The following DCAF1 variants were observed in gnomAD, a reference collection of about 807,000 sequenced individuals.
The protein encoded by DCAF1 is DDB1 and CUL4 associated factor 1, also known as DDB1- and CUL4-associated factor 1.
A neutral mutation model predicts 128.0 loss-of-function variants in DCAF1; 15 were observed. The ratio of observed to expected loss-of-function variants is 0.12; its 90% CI spans 0.08 to 0.18. The LOEUF (loss-of-function observed/expected upper bound fraction) is 0.18, where lower values mean the gene tolerates loss of function less well. Among genes scored for constraint, DCAF1 ranks in the 10% least tolerant of loss-of-function variants. DCAF1 has a pLI of 1.00. For synonymous variants in DCAF1, 610 were observed against 603.0 expected, an observed-to-expected ratio of 1.01 and a Z score of -0.17; for missense variants, 988 against 1,649.5, an observed-to-expected ratio of 0.60 and a Z score of 6.95.
At chr3:51,502,398 A>C (rs1051275830), upstream of DCAF1, among the ~76,000 whole-genome samples, 10 of 152,046 alleles carry the variant, frequency 6.6e-5, no homozygotes, top group East Asian at 1.9e-3. Context: ...TCTACAAAAT[A>C]TCTTAAAAAT....
chr3:51,480,053 A>G (rs983450078), intron 3 of DCAF1, among the ~76,000 whole-genome samples: 1 of 151,280 alleles, frequency 6.6e-6, no homozygotes, highest in Non-Finnish European at 1.5e-5. Flanking sequence ...GCAGTGAGCT[A>G]TAATCATACC....
intron 9 of DCAF1, among the ~76,000 whole-genome samples, chr3:51,437,629 T>C (rs1224825098): frequency 6.6e-6 from 1 of 151,962 alleles, no homozygotes; most frequent in Non-Finnish European, 1.5e-5. Flanking sequence ...GCTTGGGCAT[T>C]ATAATGAAAC....
intron 6 of DCAF1, among the ~76,000 whole-genome samples, chr3:51,456,588 G>C (rs1267381892): frequency 6.6e-6 from 1 of 152,210 alleles, no homozygotes; most frequent in Non-Finnish European, 1.5e-5. Flanking sequence ...CATGCAGCTT[G>C]AGATCTGAGA....
At chr3:51,489,559 C>T (rs1024811892) in intron 2 of DCAF1, among the ~76,000 whole-genome samples, 7 of 151,644 alleles carry the variant, frequency 4.6e-5, no homozygotes, top group African/African-American at 7.3e-5. Flanking sequence ...GAGGCCAAAG[C>T]GGGTGGATCA....
At chr3:51,473,976 G>A (rs1385609076) in intron 3 of DCAF1, among the ~76,000 whole-genome samples, 1 of 149,086 alleles carries the variant, frequency 6.7e-6, no homozygotes, top group Non-Finnish European at 1.5e-5. Context: ...GCTCATTTTT[G>A]TATTTTTTTT....
chr3:51,417,853 ATGTCCT>A (rs1553630917), intron 17 of DCAF1, among the ~76,000 whole-genome samples: 15 of 152,168 alleles, frequency 9.9e-5, no homozygotes, highest in Non-Finnish European at 1.8e-4. Flanking sequence ...AAAGACTGCA[ATGTCCT>A]ATGTGAACAT....
chr3:51,416,957 T>C, intron 17 of DCAF1, 86 bp from the exon 18 acceptor site: 1 of 1,529,774 alleles, frequency 6.5e-7, no homozygotes, highest in Non-Finnish European at 8.8e-7. Context: ...ACCCCCAGCC[T>C]CTTGCACAAT....
At chr3:51,440,131 T>C (rs1553638227) in intron 9 of DCAF1, 2 of 505,664 alleles carry the variant, frequency 4.0e-6, no homozygotes, top group Admixed American at 2.1e-5. Context: ...ATTCACTTTT[T>C]ATCTCAACGT....
At chr3:51,416,949 C>T (rs1289599380) in intron 17 of DCAF1, 78 bp from the exon 18 acceptor site, 16 of 1,538,930 alleles carry the variant, frequency 1.0e-5, no homozygotes, top group Non-Finnish European at 1.4e-5. Context: ...CACAGGTGAC[C>T]CCCAGCCTCT....
chr3:51,412,901 C>T, intron 22 of DCAF1, 92 bp downstream of exon 22: 1 of 1,542,722 alleles, frequency 6.5e-7, no homozygotes, highest in Non-Finnish European at 8.8e-7. Context: ...ATTGACTTTA[C>T]ATCTTATATC....
chr3:51,435,931 T>C (rs1410679573), intron 9 of DCAF1, among the ~76,000 whole-genome samples: 5 of 152,090 alleles, frequency 3.3e-5, no homozygotes, highest in African/African-American at 1.2e-4. Flanking sequence ...AAAGGGAAGA[T>C]GATTAAAGAA....
chr3:51,399,746 A>G (rs1357434070), intron 24 of DCAF1, among the ~76,000 whole-genome samples: 1 of 152,134 alleles, frequency 6.6e-6, no homozygotes, highest in Non-Finnish European at 1.5e-5. Context: ...TCAGTGCCCA[A>G]TTTGATTACT....
At chr3:51,458,747 A>G (rs1703205337) in intron 6 of DCAF1, among the ~76,000 whole-genome samples, 1 of 152,234 alleles carries the variant, frequency 6.6e-6, no homozygotes, top group South Asian at 2.1e-4. Context: ...ACTAGAACTC[A>G]GGATTAAGAA....
chr3:51,478,018 T>G (rs544101409), intron 3 of DCAF1, among the ~76,000 whole-genome samples: 3 of 152,268 alleles, frequency 2.0e-5, no homozygotes, highest in Non-Finnish European at 4.4e-5. Flanking sequence ...TTTGTTGTTG[T>G]TGTTGTTGAG....
intron 6 of DCAF1, among the ~76,000 whole-genome samples, chr3:51,459,926 C>T (rs1304909158): frequency 2.6e-5 from 4 of 152,130 alleles, no homozygotes; most frequent in South Asian, 4.2e-4. Context: ...AAGAGCTATC[C>T]ATGACAAACC....
At chr3:51,430,368 C>T (rs975502973) in intron 10 of DCAF1, among the ~76,000 whole-genome samples, 156 bp from the exon 11 acceptor site, 2 of 152,234 alleles carry the variant, frequency 1.3e-5, no homozygotes, top group South Asian at 4.1e-4. Context: ...AATACAAAGG[C>T]AATTTTAGAA....
At chr3:51,449,513 A>G (rs1702161502) in intron 6 of DCAF1, among the ~76,000 whole-genome samples, 1 of 152,186 alleles carries the variant, frequency 6.6e-6, no homozygotes, top group Non-Finnish European at 1.5e-5. Flanking sequence ...GGCCAGAATG[A>G]TATTTATAGC....
chr3:51,400,517 C>G (rs1553624509), intron 24 of DCAF1, among the ~76,000 whole-genome samples: 1 of 152,198 alleles, frequency 6.6e-6, no homozygotes, highest in Non-Finnish European at 1.5e-5. Flanking sequence ...TTAACGAGGT[C>G]ACAGCACAAT....
At chr3:51,429,161 G>C (rs1700161155) in intron 12 of DCAF1, 100 bp downstream of exon 12, 2 of 681,972 alleles carry the variant, frequency 2.9e-6, no homozygotes, top group Non-Finnish European at 5.5e-6. Flanking sequence ...TCCAACAATG[G>C]ACATAGCACA....
Sources: allele counts gnomAD v4.1 joint callset (sites outside exome capture counted in the v4.1 genomes callset), GRCh38; gene constraint gnomAD v4.1.1; transcripts MANE v1.5; gene names NCBI Gene and HGNC (gene_info 2026-07-23, HGNC 2026-07-21).